Variants in SLC22A16 observed in about 807,000 individuals in gnomAD.
The protein encoded by SLC22A16 is WUGSC:RG331P03.1.
In SLC22A16, 53 loss-of-function variants were observed where a neutral mutation model predicts 52.9. That is an observed-to-expected ratio of 1.00 (90% CI 0.80 to 1.26). The LOEUF (loss-of-function observed/expected upper bound fraction) is 1.26, where lower values mean the gene tolerates loss of function less well. SLC22A16 is among the 50% of genes most tolerant of loss of function. The pLI, the probability that SLC22A16 is intolerant of heterozygous loss-of-function variation, is 0.00. For missense variants in SLC22A16, 726 were observed against 704.0 expected, an observed-to-expected ratio of 1.03 and a Z score of -0.35; for synonymous variants, 291 against 268.8, an observed-to-expected ratio of 1.08 and a Z score of -0.81.
chr6:110,453,537 AAGCAGTAGGGC>A (rs1246007977), intron 2 of SLC22A16: 2 of 439,322 alleles, frequency 4.6e-6, no homozygotes, highest in Non-Finnish European at 9.1e-6. Context: ...CTTCGTTAGC[AAGCAGTAGGGC>A]AGCAGCATCT....
intron 3 of SLC22A16, among the ~76,000 whole-genome samples, chr6:110,446,224 A>G (rs1775165181): frequency 1.3e-5 from 2 of 152,200 alleles, no homozygotes; most frequent in Non-Finnish European, 2.9e-5. Context: ...CTGAGCATGG[A>G]AACAGCCTCC....
At position 110,476,327 on chromosome 6, in the gene SLC22A16, C is replaced by T. The variant is rs950164957; in HGVS notation, c.53+195G>A. ...GCGCCTCTGCTCACCATGCCAGGTC[C>T]CGCTGCCAGAGGCCTAGAGGAGAAG... On this transcript the variant is annotated intron_variant, in intron 1 of 7. Coordinates refer to ENST00000368919, the MANE Select transcript of SLC22A16 (RefSeq NM_033125.4). 2.9e-6 allele frequency: 4 copies of T among 1,378,794 alleles called. No individual in the cohort carries two copies. In the African/African-American group the frequency reaches 5.9e-5, roughly 20 times the overall value. 85.4% of individuals were successfully genotyped at this position (1,378,794 alleles called of 1,614,324 possible).
intron 3 of SLC22A16, 136 bp downstream of exon 3, chr6:110,446,737 G>T: frequency 1.3e-6 from 1 of 754,894 alleles, no homozygotes; most frequent in East Asian, 2.5e-5. Flanking sequence ...TATTCTGTAG[G>T]CAGACTTCTG....
chr6:110,465,529 C>T (rs1211675331), intron 1 of SLC22A16, among the ~76,000 whole-genome samples: 3 of 152,024 alleles, frequency 2.0e-5, no homozygotes, highest in Non-Finnish European at 2.9e-5. Flanking sequence ...AAAAGTCAAT[C>T]CCATTTATTA....
intron 1 of SLC22A16, among the ~76,000 whole-genome samples, chr6:110,472,016 C>T (rs1264249858): frequency 6.6e-6 from 1 of 152,172 alleles, no homozygotes; most frequent in East Asian, 1.9e-4. Flanking sequence ...CCCTGAGCAA[C>T]AGATTATCTA....
At position 110,441,809 on chromosome 6, in the gene SLC22A16, C is replaced by T. The variant is rs528505404; in HGVS notation, c.1183+435G>A. On this transcript the variant is annotated intron_variant, in intron 4 of 7. Transcript: ENST00000368919. ...TTAACAGTTCTCATGGTGGCTCATT[C>T]TGACTTCTTTCTGTTTCCTAATCTT... Among the ~76,000 whole-genome samples, 14 of 152,314 alleles carry T rather than the reference C, an allele frequency of 9.2e-5. No homozygotes were observed. In the South Asian group the frequency reaches 2.7e-3, roughly 29 times the overall value.
At chr6:110,468,633 G>A (rs138471312) in intron 1 of SLC22A16, among the ~76,000 whole-genome samples, 26 of 144,618 alleles carry the variant, frequency 1.8e-4, no homozygotes, top group African/African-American at 5.8e-4. Flanking sequence ...GTAAGCGAGC[G>A]AGGCTCTGTC....
intron 7 of SLC22A16, among the ~76,000 whole-genome samples, chr6:110,426,135 T>C (rs1774248674): frequency 6.6e-6 from 1 of 152,156 alleles, no homozygotes; most frequent in South Asian, 2.1e-4. Context: ...ATATACGAAA[T>C]ATATGAGTAA....
intron 1 of SLC22A16, among the ~76,000 whole-genome samples, chr6:110,461,284 A>T (rs956006054): frequency 8.5e-5 from 13 of 152,156 alleles, no homozygotes; most frequent in African/African-American, 2.4e-4. Context: ...CTTCTCACAG[A>T]CCTCAGGAGT....
chr6:110,458,424 TG>T (rs1310520220), intron 1 of SLC22A16, among the ~76,000 whole-genome samples: 2 of 152,054 alleles, frequency 1.3e-5, no homozygotes, highest in Non-Finnish European at 2.9e-5. Flanking sequence ...TCTCCACACA[TG>T]GGGAGAAAAA....
At chr6:110,474,669 C>T (rs543204447) in intron 1 of SLC22A16, among the ~76,000 whole-genome samples, 4 of 152,334 alleles carry the variant, frequency 2.6e-5, no homozygotes, top group South Asian at 2.1e-4. Flanking sequence ...CCCTCTTCAC[C>T]GTAGTGAGCT....
rs1230102786 is a variant in SLC22A16, at chr6:110,431,301, T to C, written c.1422-31A>G. 3.1e-6 allele frequency: 5 copies of C among 1,592,840 alleles called. No individual in the cohort carries two copies. In the Admixed American group the frequency reaches 8.3e-5, roughly 27 times the overall value. On this transcript the variant is annotated intron_variant, in intron 6 of 7. Transcript: ENST00000368919. ...AACAGAGGAGAGAGGCTGAGACAAGTAAGGCACAAGTGACCCAGGGATTGA... is the reference window on the plus strand; with the variant it reads ...AACAGAGGAGAGAGGCTGAGACAAGCAAGGCACAAGTGACCCAGGGATTGA...
Position 110,470,272 on chromosome 6 carries a change from G to A in SLC22A16, c.53+6250C>T, listed in dbSNP as rs150203271. On this transcript the variant is annotated intron_variant, in intron 1 of 7. Transcript: ENST00000368919. ...TGGAAATAGAACATAAATCATGTAC[G>A]TATGGTGCACATATTTATAATTATT... is the stretch of plus-strand genomic sequence containing the variant. 8.1e-4 allele frequency among the ~76,000 whole-genome samples: 123 copies of A among 152,112 alleles called. 1 individual carries two copies. The East Asian group carries it at 9.5e-3, about 12-fold the overall frequency.
intron 1 of SLC22A16, among the ~76,000 whole-genome samples, chr6:110,470,657 C>T (rs1274310522): frequency 6.6e-6 from 1 of 152,168 alleles, no homozygotes; most frequent in African/African-American, 2.4e-5. Context: ...CTCTTCCCCT[C>T]TCCTTCTCTC....
intron 1 of SLC22A16, among the ~76,000 whole-genome samples, chr6:110,464,658 A>G (rs985623192): frequency 2.0e-5 from 3 of 151,966 alleles, no homozygotes; most frequent in African/African-American, 4.8e-5. Flanking sequence ...TGTAACAACT[A>G]CAACAAAAAA....
At chr6:110,429,053 G>A (rs1774391318) in intron 7 of SLC22A16, among the ~76,000 whole-genome samples, 1 of 151,762 alleles carries the variant, frequency 6.6e-6, no homozygotes, top group Non-Finnish European at 1.5e-5. Context: ...TTTTATTTCT[G>A]GTAATTACCT....
At chr6:110,464,655 A>C (rs1240230885) in intron 1 of SLC22A16, among the ~76,000 whole-genome samples, 3 of 151,952 alleles carry the variant, frequency 2.0e-5, no homozygotes, top group Non-Finnish European at 2.9e-5. Context: ...AAATGTAACA[A>C]CTACAACAAA....
intron 1 of SLC22A16, chr6:110,475,984 T>C (rs1296098187): frequency 6.6e-6 from 3 of 456,198 alleles, no homozygotes; most frequent in Admixed American, 2.4e-5. Context: ...GAACTATGTG[T>C]AAGCGCCAGG....
chr6:110,448,841 A>G (rs1352357171), intron 2 of SLC22A16, among the ~76,000 whole-genome samples: 2 of 152,152 alleles, frequency 1.3e-5, no homozygotes, highest in Non-Finnish European at 2.9e-5. Flanking sequence ...CTGAAGACAC[A>G]TGCCCCTTTC....
Sources: allele counts gnomAD v4.1 joint callset (sites outside exome capture counted in the v4.1 genomes callset), GRCh38; gene constraint gnomAD v4.1.1; transcripts MANE v1.5; gene names NCBI Gene and HGNC (gene_info 2026-07-23, HGNC 2026-07-21).